SASH1: variants seen among roughly 807,000 people sequenced by gnomAD.
SASH1 encodes the protein SAM and SH3 domain containing 1, also known as SAM and SH3 domain-containing protein 1.
Under a neutral mutation model 125.2 loss-of-function variants are expected in SASH1, and 44 were observed. The observed-to-expected ratio is 0.35, with a 90% CI of 0.28 to 0.45. The LOEUF is 0.45. SASH1 is among the 20% of genes least tolerant of loss of function. The pLI is 1.00. For missense variants in SASH1, 1,426 were observed against 1,614.5 expected (o/e 0.88, Z 2.00); for synonymous variants, 639 against 649.1 (o/e 0.98, Z 0.24).
intron 8 of SASH1, chr6:148,508,907 G>A: frequency 8.3e-7 from 1 of 1,205,852 alleles, no homozygotes; most frequent in Non-Finnish European, 1.1e-6. Context: ...CAATGGGAAA[G>A]AAAGAATGTG....
intron 1 of SASH1, among the ~76,000 whole-genome samples, chr6:148,370,692 G>A (rs1199951979): frequency 6.6e-6 from 1 of 151,924 alleles, no homozygotes; most frequent in Non-Finnish European, 1.5e-5. Context: ...GCGTGGTGAC[G>A]GGCGCCTGTA....
intron 6 of SASH1, among the ~76,000 whole-genome samples, chr6:148,472,408 C>G (rs1156568899): frequency 6.6e-6 from 1 of 151,088 alleles, no homozygotes; most frequent in Non-Finnish European, 1.5e-5. Flanking sequence ...TTGTATTCAC[C>G]CAGCGTCACT....
the SASH1 span, among the ~76,000 whole-genome samples, chr6:148,211,216 G>C: frequency 6.6e-6 from 1 of 152,184 alleles, no homozygotes; most frequent in Non-Finnish European, 1.5e-5. Context: ...TAAATACAAA[G>C]AGAAGACAGG....
At chr6:148,333,996 G>A (rs1781071504) in intron 1 of SASH1, among the ~76,000 whole-genome samples, 1 of 151,428 alleles carries the variant, frequency 6.6e-6, no homozygotes, top group African/African-American at 2.4e-5. Flanking sequence ...CTAATTTTTT[G>A]TATTTTTAGT....
intron 8 of SASH1, among the ~76,000 whole-genome samples, chr6:148,500,909 G>A (rs1779534061): frequency 6.6e-6 from 1 of 152,106 alleles, no homozygotes; most frequent in Non-Finnish European, 1.5e-5. Flanking sequence ...TTGCCAATTG[G>A]ATGACCACAA....
intron 16 of SASH1, among the ~76,000 whole-genome samples, chr6:148,536,519 T>C (rs749438218): frequency 1.1e-4 from 16 of 152,192 alleles, no homozygotes; most frequent in Non-Finnish European, 2.2e-4. Context: ...TGTGTATTTT[T>C]AGTAGAGACG....
chr6:148,454,568 T>G (rs1232080927), intron 4 of SASH1, among the ~76,000 whole-genome samples: 1 of 152,054 alleles, frequency 6.6e-6, no homozygotes, highest in Non-Finnish European at 1.5e-5. Context: ...AGAAAGGGTG[T>G]GCGAAACCAT....
At chr6:148,197,957 C>T in the SASH1 span, among the ~76,000 whole-genome samples, 3 of 152,184 alleles carry the variant, frequency 2.0e-5, no homozygotes, top group Admixed American at 6.5e-5. Flanking sequence ...TCTAGTGAGT[C>T]TCCTGCCTCA....
chr6:148,321,008 T>C (rs1780620378), intron 1 of SASH1, among the ~76,000 whole-genome samples: 1 of 152,230 alleles, frequency 6.6e-6, no homozygotes, highest in African/African-American at 2.4e-5. Flanking sequence ...CCGTCCAGTC[T>C]CTTTGTTCAT....
At chr6:148,522,890 T>C (rs1780903509) in intron 10 of SASH1, among the ~76,000 whole-genome samples, 2 of 152,208 alleles carry the variant, frequency 1.3e-5, no homozygotes, top group South Asian at 4.1e-4. Flanking sequence ...CTTGATCTTA[T>C]AGAAAAAGTT....
the SASH1 span, among the ~76,000 whole-genome samples, chr6:148,207,247 GGAGCAGTAACTACT>G: frequency 1.3e-5 from 2 of 152,214 alleles, no homozygotes; most frequent in African/African-American, 4.8e-5. Flanking sequence ...ATACCCAATA[GGAGCAGTAACTACT>G]GAGCATTTGT....
chr6:148,289,560 A>G (rs77393445), intron 1 of SASH1, among the ~76,000 whole-genome samples: 1,572 of 152,314 alleles, frequency 0.01, 20 homozygotes, highest in Non-Finnish European at 0.016. Flanking sequence ...TGCCATGGTA[A>G]AGTAAGTTAG....
At chr6:148,524,963 CAG>C (rs1238319661) in intron 10 of SASH1, 8 of 268,736 alleles carry the variant, frequency 3.0e-5, no homozygotes, top group Non-Finnish European at 5.0e-5. Flanking sequence ...GTGCTGGAGA[CAG>C]GGAATCTCAC....
chr6:148,449,078 C>CTTTTTCTTTTTTTTTTTCTTTTT lies in SASH1; in HGVS notation c.386+8676_386+8677insCTTTTTTTTTTTCTTTTTTTTTT. 1.5e-3 allele frequency among the ~76,000 whole-genome samples: 135 copies of CTTTTTCTTTTTTTTTTTCTTTTT among 88,668 alleles called. 8 individuals carry two copies. Among genetic ancestry groups the CTTTTTCTTTTTTTTTTTCTTTTT allele is most frequent in the African/African-American group, 5.1e-3 (119 of 23,178 alleles). The allele number at this position is 88,668 out of a possible 152,430, so 58.2% of individuals were successfully genotyped here. A position where few individuals can be genotyped will look rare whatever the true frequency, so the allele number is the denominator to read the frequency against. ...GAGACTGGCTAATTTCATTTCATTT[C>CTTTTTCTTTTTTTTTTTCTTTTT]TTTTTTTTTTTTTTTGGAGACAGAG... On this transcript the variant is annotated intron_variant, in intron 4 of 19. Transcript: ENST00000367467.
chr6:148,463,535 C>T (rs940948824), intron 4 of SASH1, among the ~76,000 whole-genome samples: 1 of 152,192 alleles, frequency 6.6e-6, no homozygotes, highest in Non-Finnish European at 1.5e-5. Context: ...ACTGGCTGCT[C>T]CTCCTAAGTC....
At chr6:148,356,514 T>TTTTTTTAG (rs1781947002) in intron 1 of SASH1, among the ~76,000 whole-genome samples, 1 of 138,610 alleles carries the variant, frequency 7.2e-6, no homozygotes, top group Non-Finnish European at 1.5e-5. Flanking sequence ...TTTTTTTTTT[T>TTTTTTTAG]GAGACTGGGT....
intron 1 of SASH1, among the ~76,000 whole-genome samples, chr6:148,334,417 G>A (rs1781089107): frequency 1.1e-5 from 1 of 93,908 alleles, no homozygotes; most frequent in Non-Finnish European, 2.0e-5. Context: ...CACAGAGCGA[G>A]ACTCCGTCTC....
intron 1 of SASH1, among the ~76,000 whole-genome samples, chr6:148,359,139 A>G (rs993215069): frequency 2.1e-4 from 32 of 151,754 alleles, no homozygotes; most frequent in African/African-American, 7.5e-4. Flanking sequence ...TGCACTTTGC[A>G]GTTATGGCTT....
intron 1 of SASH1, among the ~76,000 whole-genome samples, chr6:148,286,623 T>C (rs894312603): frequency 1.3e-5 from 2 of 152,136 alleles, no homozygotes; most frequent in African/African-American, 2.4e-5. Flanking sequence ...CTTCTTCCAG[T>C]GTCTTCTCAT....
Sources: allele counts gnomAD v4.1 joint callset (sites outside exome capture counted in the v4.1 genomes callset), GRCh38; gene constraint gnomAD v4.1.1; transcripts MANE v1.5; gene names NCBI Gene and HGNC (gene_info 2026-07-23, HGNC 2026-07-21).